Variants in SLC9C1 observed in about 807,000 individuals in gnomAD.
The protein encoded by SLC9C1 is solute carrier family 9 member C1, also known as sodium/hydrogen exchanger 10.
In SLC9C1, 97 loss-of-function variants were observed where a neutral mutation model predicts 140.9. That is an observed-to-expected ratio of 0.69 (90% confidence interval 0.58 to 0.82). The LOEUF (loss-of-function observed/expected upper bound fraction) is 0.82, where lower values mean the gene tolerates loss of function less well. SLC9C1 is among the 40% of genes least tolerant of loss of function. SLC9C1 has a pLI of 0.00. For synonymous variants in SLC9C1, 440 were observed against 442.6 expected, an observed-to-expected ratio of 0.99 and a Z score of 0.07; for missense variants, 1,340 against 1,389.3, an observed-to-expected ratio of 0.96 and a Z score of 0.56.
At chr3:112,176,821 C>CA (rs2077345815) in intron 23 of SLC9C1, among the ~76,000 whole-genome samples, 1 of 152,100 alleles carries the variant, frequency 6.6e-6, no homozygotes, top group African/African-American at 2.4e-5. Flanking sequence ...TGGGTGCTGT[C>CA]AGGGCTTGCT....
intron 14 of SLC9C1, among the ~76,000 whole-genome samples, chr3:112,219,990 G>A (rs1462601532): frequency 2.0e-5 from 3 of 152,080 alleles, no homozygotes; most frequent in African/African-American, 7.2e-5. Context: ...AATATGCACG[G>A]TATTGTTTTG....
Position 112,182,161 on chromosome 3 carries a change from T to C in SLC9C1, c.2621A>G (p.Lys874Arg). ...AATGAAGTTTATATAATCTTTGTTT[T>C]TATCTAGCCACGGAATATGATATAG... is the stretch of plus-strand genomic sequence containing the variant. Reference protein sequence around the residue: ...EVLYHIPWLDKNKDYINFIQE... With the variant: ...EVLYHIPWLDRNKDYINFIQE... Residue 874 changes from lysine (K) to arginine (R), a missense_variant, in exon 21 of 29, where the codon AAA becomes AGA. Coordinates refer to ENST00000305815, the MANE Select transcript of SLC9C1 (RefSeq NM_183061.3). 6.3e-7 allele frequency: 1 copy of C among 1,577,610 alleles called. No individual in the cohort carries two copies. Among genetic ancestry groups the C allele is most frequent in the Middle Eastern group, 1.7e-4 (1 of 5,810 alleles).
rs909386397 is a variant in SLC9C1, at chr3:112,161,839, G to A, written c.3364+5382C>T. ...TTGGTAGCTCGATGGGGATGGCATT[G>A]AATCTGTAAATTACCTTGGGCAGTA... On this transcript the variant is annotated intron_variant, in intron 26 of 28. Transcript: ENST00000305815. Among the ~76,000 whole-genome samples, 1,497 of 150,354 alleles carry A rather than the reference G, an allele frequency of 1.0e-2. 24 individuals are homozygous for A. The highest frequency in any genetic ancestry group is 0.034 in the African/African-American group (1,395 of 41,096).
At chr3:112,166,909 A>G (rs1020741664) in intron 26 of SLC9C1, among the ~76,000 whole-genome samples, 2 of 152,194 alleles carry the variant, frequency 1.3e-5, no homozygotes, top group Non-Finnish European at 2.9e-5. Flanking sequence ...AGACAGTACA[A>G]TGCTCTTTTT....
At chr3:112,202,447 T>A in intron 17 of SLC9C1, 48 bp from the exon 18 acceptor site, 3 of 1,513,942 alleles carry the variant, frequency 2.0e-6, no homozygotes, top group Non-Finnish European at 2.7e-6. Flanking sequence ...AAATATCATT[T>A]TATGATATGT....
chr3:112,270,860 T>C (rs2080053911), intron 6 of SLC9C1, among the ~76,000 whole-genome samples: 1 of 152,224 alleles, frequency 6.6e-6, no homozygotes, highest in Non-Finnish European at 1.5e-5. Context: ...CTTCTTTTAA[T>C]GTCTGTCTGT....
chr3:112,215,326 C>T (rs2078329743), intron 15 of SLC9C1, among the ~76,000 whole-genome samples: 1 of 152,174 alleles, frequency 6.6e-6, no homozygotes, highest in African/African-American at 2.4e-5. Context: ...TCTCACCATT[C>T]CTATTCAACA....
At chr3:112,190,928 A>AACACACACACACAC (rs56930611) in intron 20 of SLC9C1, among the ~76,000 whole-genome samples, 75 of 138,792 alleles carry the variant, frequency 5.4e-4, no homozygotes, top group African/African-American at 1.6e-3. Flanking sequence ...ACTTTTTTTA[A>AACACACACACACAC]ACACACACAC....
intron 20 of SLC9C1, among the ~76,000 whole-genome samples, chr3:112,194,786 C>T (rs958662331): frequency 3.4e-4 from 51 of 151,816 alleles, no homozygotes; most frequent in Middle Eastern, 3.4e-3. Context: ...ACACCCTCAC[C>T]GAAACAATGA....
chr3:112,231,176 T>TTC (rs1409136648), intron 13 of SLC9C1, among the ~76,000 whole-genome samples, 185 bp downstream of exon 13: 3 of 151,440 alleles, frequency 2.0e-5, no homozygotes, highest in African/African-American at 7.3e-5. Context: ...TTCTTTCTTT[T>TTC]TCTTTCTTTC....
At chr3:112,174,384 G>A (rs145174209) in intron 23 of SLC9C1, among the ~76,000 whole-genome samples, 3 of 152,286 alleles carry the variant, frequency 2.0e-5, no homozygotes, top group East Asian at 3.9e-4. Context: ...GGAAAGATTG[G>A]TCTTTCCTCT....
chr3:112,292,613 G>A (rs1029135761), intron 1 of SLC9C1, among the ~76,000 whole-genome samples: 2 of 152,074 alleles, frequency 1.3e-5, no homozygotes, highest in Admixed American at 6.5e-5. Flanking sequence ...GTGCGATCTC[G>A]GCTCACTGCA....
At chr3:112,195,323 A>C (rs1365731184) in intron 20 of SLC9C1, among the ~76,000 whole-genome samples, 1 of 152,124 alleles carries the variant, frequency 6.6e-6, no homozygotes, top group African/African-American at 2.4e-5. Flanking sequence ...TAAGGGTCCA[A>C]CTTTATTCTT....
intron 21 of SLC9C1, 71 bp downstream of exon 21, chr3:112,182,062 G>T: frequency 8.9e-7 from 1 of 1,126,208 alleles, no homozygotes; most frequent in Non-Finnish European, 1.2e-6. Context: ...GAGTATCATG[G>T]TTAAATTCTT....
chr3:112,243,561 C>T (rs1222077420), intron 11 of SLC9C1, among the ~76,000 whole-genome samples: 1 of 152,114 alleles, frequency 6.6e-6, no homozygotes, highest in African/African-American at 2.4e-5. Flanking sequence ...GTGGTCACTA[C>T]CTTGGTGATG....
intron 28 of SLC9C1, among the ~76,000 whole-genome samples, chr3:112,150,789 T>C (rs1352919620): frequency 1.1e-4 from 3 of 27,570 alleles, no homozygotes; most frequent in African/African-American, 1.9e-4. Context: ...TATAAATACA[T>C]ATACATATAT....
intron 10 of SLC9C1, among the ~76,000 whole-genome samples, chr3:112,246,516 A>G (rs995486830): frequency 6.6e-6 from 1 of 152,184 alleles, no homozygotes; most frequent in African/African-American, 2.4e-5. Flanking sequence ...CAGCAAAGCC[A>G]ATAAATAAAA....
intron 15 of SLC9C1, among the ~76,000 whole-genome samples, chr3:112,214,355 G>T (rs921201435): frequency 3.3e-5 from 5 of 152,176 alleles, no homozygotes; most frequent in Middle Eastern, 3.4e-3. Flanking sequence ...AAATAACTAA[G>T]ATCAGAGCAG....
At position 112,294,152 on chromosome 3, in the gene SLC9C1, T is replaced by G. The variant is rs993438978; in HGVS notation, c.-147A>C. 2 of 152,286 alleles carry G rather than the reference T, an allele frequency of 1.3e-5. No homozygotes were observed. Among genetic ancestry groups the G allele is most frequent in the Admixed American group, 1.3e-4 (2 of 15,268 alleles). The allele number at this position is 152,286 out of a possible 1,614,324, so 9.4% of individuals were successfully genotyped here. The stretch of plus-strand genomic sequence containing the variant: ...GCAAGTGAGAAGTGGGGGGCAGCTA[T>G]TTCGCTCACAGCCAAACAGCCCAGA... On this transcript the variant is annotated 5_prime_UTR_variant, in exon 1 of 29. Coordinates refer to ENST00000305815, the MANE Select transcript of SLC9C1 (RefSeq NM_183061.3).
Sources: allele counts gnomAD v4.1 joint callset (sites outside exome capture counted in the v4.1 genomes callset), GRCh38; gene constraint gnomAD v4.1.1; transcripts MANE v1.5; gene names NCBI Gene and HGNC (gene_info 2026-07-23, HGNC 2026-07-21).